HRH2: variants seen among roughly 807,000 people sequenced by gnomAD.
HRH2 encodes the protein histamine H2 receptor.
In HRH2, 4 loss-of-function variants were observed where a neutral mutation model predicts 20.1. The observed-to-expected ratio is 0.20, with a 90% CI of 0.10 to 0.45. The LOEUF is 0.45. HRH2 is among the 20% of genes least tolerant of loss of function. The pLI, the probability that HRH2 is intolerant of heterozygous loss-of-function variation, is 0.99. For synonymous variants in HRH2, 197 were observed against 200.7 expected, an observed-to-expected ratio of 0.98 and a Z score of 0.16; for missense variants, 250 against 461.6, an observed-to-expected ratio of 0.54 and a Z score of 4.20.
At chr5:175,658,709 T>C (rs1256501903) in intron 1 of HRH2, among the ~76,000 whole-genome samples, 1 of 150,524 alleles carries the variant, frequency 6.6e-6, no homozygotes, top group Non-Finnish European at 1.5e-5. Flanking sequence ...TGCCGCCCGC[T>C]GCCGGATGAC....
chr5:175,698,271 G>A (rs185580669), intron 2 of HRH2, among the ~76,000 whole-genome samples: 7 of 152,276 alleles, frequency 4.6e-5, no homozygotes, highest in South Asian at 2.1e-4. Flanking sequence ...CGTATCCCTC[G>A]TATTATCCGT....
rs1757030095 is a variant in HRH2 at position 175,709,358 on chromosome 5, CCA to C, written c.*1388_*1389del. 6.6e-6 allele frequency: 1 copy of C among 152,268 alleles called. No individual in the cohort carries two copies. The highest frequency in any genetic ancestry group is 2.1e-4 in the South Asian group (1 of 4,832). 9.4% of individuals were successfully genotyped at this position (152,268 alleles called of 1,614,324 possible). A position where few individuals can be genotyped will look rare whatever the true frequency, so the allele number is the denominator to read the frequency against. On this transcript the variant is annotated 3_prime_UTR_variant, in exon 3 of 3. Transcript: ENST00000636584. ...TGTGACCTCGTCTGCACCCACAACT[CCA>C]GTTACAAGGCACGAGGTTTGGTTAT...
At chr5:175,698,263 T>A (rs1756671190) in intron 2 of HRH2, among the ~76,000 whole-genome samples, 1 of 152,240 alleles carries the variant, frequency 6.6e-6, no homozygotes, top group African/African-American at 2.4e-5. Flanking sequence ...ATCATCTCCG[T>A]ATCCCTCGTA....
chr5:175,694,189 C>G (rs781598201), intron 2 of HRH2, among the ~76,000 whole-genome samples: 1 of 152,154 alleles, frequency 6.6e-6, no homozygotes, highest in Non-Finnish European at 1.5e-5. Context: ...TTTTATTCTG[C>G]TCCGGGACCT....
rs756197485 is a variant in HRH2, at chr5:175,683,717, A to C, written c.484A>C (p.Asn162His). 2.3e-5 allele frequency: 37 copies of C among 1,614,176 alleles called. 1 individual carries two copies. The South Asian group carries it at 4.1e-4, about 18-fold the overall frequency. The change falls in exon 2 of 3, where the codon AAC (asparagine) becomes CAC (histidine). Residue 162 changes from asparagine to histidine, a missense_variant. Asn to His is a moderately conservative substitution (Grantham distance 68). Around this residue, in one of 5 missense-constraint regions of HRH2, gnomAD observed 27 missense variants for 28.6 expected, o/e 0.94. Transcript: ENST00000636584. ...LSIHLGWNSR[N>H]ETSKGNHTTS... Reference sequence around the variant, plus strand: ...TATCCACCTGGGGTGGAACAGCAGGAACGAGACCAGCAAGGGCAATCATAC... The same window carrying C: ...TATCCACCTGGGGTGGAACAGCAGGCACGAGACCAGCAAGGGCAATCATAC...
intron 1 of HRH2, among the ~76,000 whole-genome samples, chr5:175,659,935 A>G (rs1356310537): frequency 5.3e-5 from 8 of 151,716 alleles, no homozygotes; most frequent in Admixed American, 5.2e-4. Context: ...AGACTGACTC[A>G]CCCCAGCCCA....
At chr5:175,695,034 T>A (rs1427884715) in intron 2 of HRH2, among the ~76,000 whole-genome samples, 8 of 152,134 alleles carry the variant, frequency 5.3e-5, no homozygotes, top group Admixed American at 5.2e-4. Flanking sequence ...CATTGCTGCC[T>A]GAGTGGCGGG....
chr5:175,706,547 C>T (rs1390440029), intron 2 of HRH2, among the ~76,000 whole-genome samples: 1 of 152,106 alleles, frequency 6.6e-6, no homozygotes, highest in Admixed American at 6.5e-5. Context: ...GTTGCCTTCT[C>T]AGAGCCACAG....
chr5:175,704,283 C>T (rs1756874231), intron 2 of HRH2, among the ~76,000 whole-genome samples: 1 of 151,956 alleles, frequency 6.6e-6, no homozygotes, highest in Non-Finnish European at 1.5e-5. Flanking sequence ...AATATAATTC[C>T]TCATGACCAA....
chr5:175,679,207 C>T (rs944235206), intron 1 of HRH2, among the ~76,000 whole-genome samples: 6 of 152,178 alleles, frequency 3.9e-5, no homozygotes, highest in Non-Finnish European at 7.3e-5. Context: ...CGGGGAGACA[C>T]ATTCTCATGG....
intron 2 of HRH2, among the ~76,000 whole-genome samples, chr5:175,706,636 C>T (rs759261397): frequency 2.6e-5 from 4 of 152,220 alleles, no homozygotes; most frequent in South Asian, 2.1e-4. Flanking sequence ...TGGTAAAGGA[C>T]GCCCACAGGC....
intron 1 of HRH2, among the ~76,000 whole-genome samples, chr5:175,674,578 A>C (rs1314437872): frequency 6.6e-6 from 1 of 152,110 alleles, no homozygotes; most frequent in Non-Finnish European, 1.5e-5. Context: ...TGTGCCAACA[A>C]CACCAGTTAC....
rs1177698651 is a variant in HRH2 at position 175,684,148 on chromosome 5, C to CA, written c.916dup (p.Arg306LysfsTer98). On this transcript the variant is annotated frameshift_variant, in exon 2 of 3. Transcript: ENST00000636584. LOFTEE classifies it high-confidence loss of function. ...CCGGGTACCAACAGCTCTTCTGCTG[C>CA]AGGCTGGCCAACCGCAACTCCCACA... 1 of 1,614,056 alleles carries CA rather than the reference C, an allele frequency of 6.2e-7. No homozygotes were observed. The highest frequency in any genetic ancestry group is 1.7e-5 in the Admixed American group (1 of 59,998).
At chr5:175,678,895 T>C (rs189211815) in intron 1 of HRH2, among the ~76,000 whole-genome samples, 51 of 152,302 alleles carry the variant, frequency 3.3e-4, no homozygotes, top group Admixed American at 2.4e-3. Flanking sequence ...AAAGAAAGTA[T>C]TGGACTTGAT....
chr5:175,701,791 A>C (rs1406064167), intron 2 of HRH2, among the ~76,000 whole-genome samples: 1 of 152,206 alleles, frequency 6.6e-6, no homozygotes, highest in Non-Finnish European at 1.5e-5. Flanking sequence ...AGGGGAACTG[A>C]GGATGGAAAT....
intron 2 of HRH2, among the ~76,000 whole-genome samples, chr5:175,696,074 T>C (rs375123902): frequency 1.5e-4 from 23 of 152,250 alleles, no homozygotes; most frequent in East Asian, 5.8e-4. Flanking sequence ...GCATGACACT[T>C]TGCCTGCCTC....
At chr5:175,694,519 T>C (rs1442025315) in intron 2 of HRH2, among the ~76,000 whole-genome samples, 1 of 152,194 alleles carries the variant, frequency 6.6e-6, no homozygotes, top group East Asian at 1.9e-4. Flanking sequence ...ACCTCTGCTA[T>C]GGGCCCCCAC....
chr5:175,688,233 CAA>C (rs1329422607), intron 2 of HRH2, among the ~76,000 whole-genome samples: 3 of 152,340 alleles, frequency 2.0e-5, no homozygotes, highest in African/African-American at 7.2e-5. Context: ...ATCGAAACTG[CAA>C]AGTCCCTTTT....
At position 175,699,916 on chromosome 5, in the gene HRH2, A is replaced by G. The variant is rs186922496; in HGVS notation, c.1077-7863A>G. Among the ~76,000 whole-genome samples the G allele has an allele frequency of 4.8e-3, 729 of 152,282 alleles. 5 individuals are homozygous for G. The highest frequency in any genetic ancestry group is 0.017 in the African/African-American group (694 of 41,540). On this transcript the variant is annotated intron_variant, in intron 2 of 2. Transcript: ENST00000636584. Reference sequence around the variant, plus strand: ...AGCATTTACAAAGGAGGAGAAAGAGAAGGAGGATTCCCTGAAATTTCAAAA... The same window carrying G: ...AGCATTTACAAAGGAGGAGAAAGAGGAGGAGGATTCCCTGAAATTTCAAAA...
Sources: gnomAD v4.1 joint callset for allele counts (sites outside exome capture counted in the v4.1 genomes callset) on GRCh38, gnomAD v4.1.1 for gene constraint, gnomAD v4.1.1 regional missense constraint, MANE v1.5 for transcripts, NCBI Gene and HGNC (gene_info 2026-07-23, HGNC 2026-07-21) for gene names.